ADCY5: variants seen among roughly 807,000 people sequenced by gnomAD.
ADCY5 encodes the protein adenylate cyclase 5, also known as adenylate cyclase type 5.
ADCY5 carries 30 observed loss-of-function variants against 119.7 expected under a neutral mutation model. The observed-to-expected ratio is 0.25, with a 90% CI of 0.19 to 0.34. The LOEUF (loss-of-function observed/expected upper bound fraction) is 0.34. Among genes scored for constraint, ADCY5 ranks in the 10% least tolerant of loss-of-function variants. The pLI, the probability that ADCY5 is intolerant of heterozygous loss-of-function variation, is 1.00. For synonymous variants in ADCY5, 753 were observed against 762.2 expected, an observed-to-expected ratio of 0.99 and a Z score of 0.20; for missense variants, 1,324 against 1,775.2, an observed-to-expected ratio of 0.75 and a Z score of 4.57.
intron 12 of ADCY5, among the ~76,000 whole-genome samples, chr3:123,313,125 G>C (rs1234870045): frequency 6.6e-6 from 1 of 151,818 alleles, no homozygotes; most frequent in African/African-American, 2.4e-5. Context: ...AATGGCTCTG[G>C]CTGACCCTGC....
chr3:123,384,424 G>A (rs761909283), intron 1 of ADCY5, among the ~76,000 whole-genome samples: 45 of 152,256 alleles, frequency 3.0e-4, no homozygotes, highest in African/African-American at 1.0e-3. Context: ...GCAGCCACCC[G>A]CAGACAGCAA....
chr3:123,340,596 T>C (rs1942232220), intron 3 of ADCY5, among the ~76,000 whole-genome samples: 1 of 152,152 alleles, frequency 6.6e-6, no homozygotes, highest in Admixed American at 6.5e-5. Context: ...AGAGCTAAAA[T>C]AGTAAGTTCT....
chr3:123,404,593 C>G (rs544549626), intron 1 of ADCY5: 1 of 152,410 alleles, frequency 6.6e-6, no homozygotes, highest in Non-Finnish European at 1.5e-5. Flanking sequence ...GCACTATGCC[C>G]AGAATAAACA....
chr3:123,362,388 T>C (rs1379350316), intron 1 of ADCY5, among the ~76,000 whole-genome samples: 1 of 152,226 alleles, frequency 6.6e-6, no homozygotes, highest in Non-Finnish European at 1.5e-5. Context: ...GTGGTTTTAA[T>C]GCCCTTAAAT....
intron 1 of ADCY5, among the ~76,000 whole-genome samples, chr3:123,427,004 G>A (rs1251051961): frequency 6.6e-6 from 1 of 152,222 alleles, no homozygotes; most frequent in Non-Finnish European, 1.5e-5. Flanking sequence ...CCCTGGGGAA[G>A]AGGTGATATC....
chr3:123,293,498 T>TA (rs1452346377), intron 17 of ADCY5, among the ~76,000 whole-genome samples: 1 of 151,262 alleles, frequency 6.6e-6, no homozygotes, highest in Non-Finnish European at 1.5e-5. Context: ...GGCTGGCAGG[T>TA]AGACACAGGC....
At chr3:123,332,703 C>G (rs1365898797) in intron 3 of ADCY5, 28 bp from the exon 4 acceptor site, 4 of 1,413,682 alleles carry the variant, frequency 2.8e-6, no homozygotes, top group East Asian at 2.3e-5. Context: ...GAGGAAGACC[C>G]TGCTATAGGC....
chr3:123,353,492 C>T (rs540770171), intron 1 of ADCY5, among the ~76,000 whole-genome samples: 1 of 152,246 alleles, frequency 6.6e-6, no homozygotes, highest in South Asian at 2.1e-4. Context: ...TGGAACAGAG[C>T]CACACAATGA....
chr3:123,335,386 T>G (rs950034066), intron 3 of ADCY5, among the ~76,000 whole-genome samples: 1 of 152,214 alleles, frequency 6.6e-6, no homozygotes, highest in Admixed American at 6.5e-5. Context: ...ACGTACATTT[T>G]AAAACAGTCA....
chr3:123,302,141 C>T (rs1413902873), intron 14 of ADCY5, among the ~76,000 whole-genome samples: 1 of 152,236 alleles, frequency 6.6e-6, no homozygotes, highest in Non-Finnish European at 1.5e-5. Context: ...AAACTGCCCC[C>T]ATCTTACAGG....
At chr3:123,393,839 C>T (rs983033058) in intron 1 of ADCY5, among the ~76,000 whole-genome samples, 1 of 142,186 alleles carries the variant, frequency 7.0e-6, no homozygotes, top group Non-Finnish European at 1.5e-5. Context: ...ACAACAACAA[C>T]AGCTTTTAAG....
intron 1 of ADCY5, among the ~76,000 whole-genome samples, chr3:123,437,540 C>T (rs1020508358): frequency 2.0e-5 from 3 of 152,008 alleles, no homozygotes; most frequent in African/African-American, 7.3e-5. Context: ...TTTTAAAAAT[C>T]GGAATAAAAA....
Position 123,408,845 on chromosome 3 carries a change from A to C in ADCY5, c.1134+38567T>G, listed in dbSNP as rs926211678. 1.5e-4 allele frequency among the ~76,000 whole-genome samples: 23 copies of C among 150,682 alleles called. 1 individual carries two copies. The highest frequency in any genetic ancestry group is 4.4e-5 in the Non-Finnish European group (3 of 67,812). On this transcript the variant is annotated intron_variant, in intron 1 of 20. Transcript: ENST00000462833. ...ACAAAAATTAGCCAGGTGTGGTGGC[A>C]GGTGGCTGTAATCCAGCTACTAGGG...
At chr3:123,310,322 G>A (rs1043274763) in intron 12 of ADCY5, among the ~76,000 whole-genome samples, 11 of 152,208 alleles carry the variant, frequency 7.2e-5, no homozygotes, top group African/African-American at 2.2e-4. Context: ...GCACTGTCAG[G>A]TATAGACCAG....
rs1362256621 is a variant in ADCY5, at chr3:123,448,369, C to T, written c.177G>A (p.Gly59=). The stretch of plus-strand genomic sequence containing the variant: ...GCTGCTGCTGCTGCGGGGTCACCGC[C>T]CCCCCGGGTTTCTTGGTGGAGCCGC... ...SARGSTKKPG[G]AVTPQQQQRL... The change falls in exon 1 of 21, where the codon GGG becomes GGA. Residue 59 remains glycine (G), a synonymous_variant. Coordinates refer to ENST00000462833, the MANE Select transcript of ADCY5 (RefSeq NM_183357.3). The T allele has an allele frequency of 6.7e-7, 1 of 1,489,050 alleles. No homozygotes were observed. The highest frequency in any genetic ancestry group is 8.8e-7 in the Non-Finnish European group (1 of 1,130,792). The allele number at this position is 1,489,050 out of a possible 1,614,324, so 92.2% of individuals were successfully genotyped here.
chr3:123,352,655 CCT>C lies in ADCY5; in HGVS notation c.1135-76_1135-75del, dbSNP rs1215227709. On this transcript the variant is annotated intron_variant, in intron 1 of 20. Transcript: ENST00000462833. The surrounding 1 kb of genome is among the most constrained non-coding windows in gnomAD (Gnocchi z 4.8). ...GCCCCAAAGCATGAAGCCCTCAGCC[CCT>C]GTCTCAGCAAACTCACACCTGGCGC... The C allele has an allele frequency of 3.7e-5, 55 of 1,493,146 alleles. No homozygotes were observed. In the African/African-American group the frequency reaches 3.8e-4, roughly 10 times the overall value. 92.5% of individuals were successfully genotyped at this position (1,493,146 alleles called of 1,614,324 possible).
At chr3:123,310,738 C>A (rs143537036) in intron 12 of ADCY5, among the ~76,000 whole-genome samples, 35 of 152,282 alleles carry the variant, frequency 2.3e-4, no homozygotes, top group Admixed American at 6.5e-4. Context: ...ACTCAAGGGT[C>A]CCTAAGGCAA....
chr3:123,407,262 C>G (rs543656860), intron 1 of ADCY5, among the ~76,000 whole-genome samples: 21 of 152,288 alleles, frequency 1.4e-4, no homozygotes, highest in African/African-American at 3.9e-4. Context: ...GTGCACACCC[C>G]TCTCCTGAGA....
intron 1 of ADCY5, among the ~76,000 whole-genome samples, chr3:123,381,729 T>C (rs998111217): frequency 1.3e-5 from 2 of 152,234 alleles, no homozygotes; most frequent in African/African-American, 2.4e-5. Context: ...CTGGCTTCCA[T>C]CGCTCCTGAG....
Sources: allele counts gnomAD v4.1 joint callset (sites outside exome capture counted in the v4.1 genomes callset), GRCh38; gene constraint gnomAD v4.1.1; non-coding constraint Gnocchi (gnomAD v3.1); transcripts MANE v1.5; gene names NCBI Gene and HGNC (gene_info 2026-07-23, HGNC 2026-07-21).